The following FABP12 variants were observed in gnomAD, a reference collection of about 807,000 sequenced individuals.
FABP12 encodes the protein fatty acid binding protein 12.
In FABP12, 19 loss-of-function variants were observed where a neutral mutation model predicts 13.7. The observed-to-expected ratio is 1.39, with a 90% CI of 0.97 to 2.04. The LOEUF (loss-of-function observed/expected upper bound fraction) is 2.04, where lower values mean the gene tolerates loss of function less well. FABP12 is among the 30% of genes most tolerant of loss of function. The probability of loss-of-function intolerance (pLI) is 0.00; values close to 1 mark genes in which losing one functional copy is unlikely to be tolerated. For missense variants in FABP12, 182 were observed against 164.2 expected (o/e 1.11, Z -0.59); for synonymous variants, 61 against 57.0 (o/e 1.07, Z -0.32).
intron 1 of FABP12, among the ~76,000 whole-genome samples, chr8:81,563,778 C>A: frequency 6.6e-6 from 1 of 152,042 alleles, no homozygotes; most frequent in South Asian, 2.1e-4. Flanking sequence ...AGAAACACAC[C>A]CACAAGATCT....
chr8:81,569,129 C>T (rs116172795), intron 1 of FABP12, among the ~76,000 whole-genome samples: 1 of 152,086 alleles, frequency 6.6e-6, no homozygotes, highest in Non-Finnish European at 1.5e-5. Context: ...GTAACACACA[C>T]AAAAAATAAA....
chr8:81,548,211 A>T (rs1309092661), intron 1 of FABP12, among the ~76,000 whole-genome samples: 4 of 152,226 alleles, frequency 2.6e-5, no homozygotes, highest in Non-Finnish European at 5.9e-5. Context: ...ACCTGAGCAT[A>T]GGGATTTTCA....
chr8:81,546,993 C>T (rs1294388672), intron 1 of FABP12, among the ~76,000 whole-genome samples: 2 of 152,250 alleles, frequency 1.3e-5, no homozygotes, highest in African/African-American at 2.4e-5. Context: ...TTTGCAAAAA[C>T]TCACTTGTTC....
intron 1 of FABP12, among the ~76,000 whole-genome samples, chr8:81,549,091 G>A (rs893486258): frequency 6.6e-6 from 1 of 152,028 alleles, no homozygotes; most frequent in African/African-American, 2.4e-5. Flanking sequence ...ACTGCCTGTA[G>A]GACTCAGACT....
exon 3 of FABP12, chr8:81,529,494 A>C (rs1441308185): frequency 6.2e-7 from 1 of 1,613,908 alleles, no homozygotes; most frequent in East Asian, 2.2e-5. Flanking sequence ...AGCTTAAAGG[A>C]GATCTCATTA....
chr8:81,547,744 G>A (rs1809458524), intron 1 of FABP12, among the ~76,000 whole-genome samples: 2 of 152,246 alleles, frequency 1.3e-5, no homozygotes, highest in Admixed American at 1.3e-4. Flanking sequence ...CAGAATTCCT[G>A]CCAGTGTCAG....
chr8:81,553,106 A>G (rs569962388), intron 1 of FABP12, among the ~76,000 whole-genome samples: 152 of 152,292 alleles, frequency 1.0e-3, no homozygotes, highest in African/African-American at 3.6e-3. Flanking sequence ...GGAAAAACAG[A>G]GGAATATCTA....
chr8:81,533,771 G>A (rs1809150173), intron 1 of FABP12, among the ~76,000 whole-genome samples, 31 bp downstream of exon 1: 1 of 152,168 alleles, frequency 6.6e-6, no homozygotes, highest in African/African-American at 2.4e-5. Flanking sequence ...TGGGTGACAT[G>A]GGGATCTGCA....
At chr8:81,554,075 TTAAG>T (rs1464109789) in intron 1 of FABP12, among the ~76,000 whole-genome samples, 1 of 152,156 alleles carries the variant, frequency 6.6e-6, no homozygotes, top group Non-Finnish European at 1.5e-5. Flanking sequence ...TGTATCAAAA[TTAAG>T]TATTATTTTA....
chr8:81,529,531 T>G, exon 3 of FABP12: 1 of 1,613,992 alleles, frequency 6.2e-7, no homozygotes, highest in Non-Finnish European at 8.5e-7. Context: ...TGGTTTTTAT[T>G]GTGATGACAT....
chr8:81,558,477 C>T (rs571838786), intron 1 of FABP12, among the ~76,000 whole-genome samples: 1 of 152,178 alleles, frequency 6.6e-6, no homozygotes, highest in Non-Finnish European at 1.5e-5. Context: ...CCTACCCACT[C>T]TCTCTTCCAG....
chr8:81,543,467 G>A (rs148138160), intron 1 of FABP12, among the ~76,000 whole-genome samples: 2 of 152,328 alleles, frequency 1.3e-5, no homozygotes, highest in Admixed American at 6.5e-5. Flanking sequence ...TGAAGATGAT[G>A]AGCAAGCACT....
intron 1 of FABP12, among the ~76,000 whole-genome samples, chr8:81,540,145 C>T (rs1420032545): frequency 6.6e-6 from 1 of 152,186 alleles, no homozygotes; most frequent in South Asian, 2.1e-4. Context: ...TTGGACTAGG[C>T]GGCATCACCA....
chr8:81,530,304 TA>T (rs1357936894), intron 2 of FABP12, among the ~76,000 whole-genome samples: 1 of 152,192 alleles, frequency 6.6e-6, no homozygotes, highest in Non-Finnish European at 1.5e-5. Context: ...TCACTCTATA[TA>T]GATATATACT....
intron 4 of FABP12, 46 bp from the exon 5 acceptor site, chr8:81,525,166 A>G (rs1356975412): frequency 2.3e-6 from 3 of 1,277,596 alleles, no homozygotes; most frequent in Admixed American, 2.0e-5. Context: ...AGTTAGTGAA[A>G]TTAACATTTA....
At chr8:81,567,702 T>C (rs1375867504) in intron 1 of FABP12, among the ~76,000 whole-genome samples, 1 of 152,182 alleles carries the variant, frequency 6.6e-6, no homozygotes, top group Non-Finnish European at 1.5e-5. Flanking sequence ...ACTATGAAAC[T>C]ATTAAAATAA....
rs1808991383 is a variant in FABP12 at position 81,529,242 on chromosome 8, GGCAGT to G, written c.246+191_246+195del. The G allele has an allele frequency of 1.3e-5, 8 of 615,596 alleles. 1 individual carries two copies. In the East Asian group the frequency reaches 2.2e-4, roughly 17 times the overall value. 38.1% of individuals were successfully genotyped at this position (615,596 alleles called of 1,614,324 possible). A position where few individuals can be genotyped will look rare whatever the true frequency, so the allele number is the denominator to read the frequency against. ...TAAAAATGCAATTTTCAGGGCCTCTGGCAGTGAGCAGGAGGCATTTTTCACAAGCA... is the reference window on the plus strand; with the variant it reads ...TAAAAATGCAATTTTCAGGGCCTCTGGAGCAGGAGGCATTTTTCACAAGCA... On this transcript the variant is annotated intron_variant, in intron 3 of 4. Coordinates refer to ENST00000360464, the Ensembl canonical transcript of FABP12.
chr8:81,577,469 C>T (rs748201308), intron 1 of FABP12, among the ~76,000 whole-genome samples: 45 of 152,084 alleles, frequency 3.0e-4, no homozygotes, highest in Non-Finnish European at 6.2e-4. Context: ...TTTTAGAAGT[C>T]TTCCAATGGC....
Position 81,550,286 on chromosome 8 carries a change from A to G in FABP12, c.-184-10543T>C, listed in dbSNP as rs992194839. 7.9e-5 allele frequency among the ~76,000 whole-genome samples: 12 copies of G among 152,330 alleles called. No individual in the cohort carries two copies. The East Asian group carries it at 2.1e-3, about 27-fold the overall frequency. ...TTATAATATTTTTAAATGATGTCTC[A>G]AAATGAAAAGGTAAATAAGGTAAAA... On this transcript the variant is annotated intron_variant, in intron 1 of 5. Transcript: ENST00000692030.
Sources: gnomAD v4.1 joint callset for allele counts (sites outside exome capture counted in the v4.1 genomes callset) on GRCh38, gnomAD v4.1.1 for gene constraint, MANE v1.5 for transcripts, NCBI Gene and HGNC (gene_info 2026-07-23, HGNC 2026-07-21) for gene names.